The following LRMDA variants were observed in gnomAD, a reference collection of about 807,000 sequenced individuals.
The protein encoded by LRMDA is leucine rich melanocyte differentiation associated.
A neutral mutation model predicts 29.8 loss-of-function variants in LRMDA; 18 were observed. That is an observed-to-expected ratio of 0.60 (90% CI 0.42 to 0.90). The LOEUF is 0.90. Among genes scored for constraint, LRMDA ranks in the 40% least tolerant of loss-of-function variants. The pLI, the probability that LRMDA is intolerant of heterozygous loss-of-function variation, is 0.00. For missense variants in LRMDA, 273 were observed against 273.9 expected (o/e 1.00, Z 0.02); for synonymous variants, 125 against 109.4 (o/e 1.14, Z -0.89).
intron 6 of LRMDA, among the ~76,000 whole-genome samples, chr10:76,372,150 T>C (rs960883996): frequency 2.0e-5 from 3 of 152,200 alleles, no homozygotes; most frequent in African/African-American, 7.2e-5. Flanking sequence ...CTTAGACTTA[T>C]GTAAGATGGG....
intron 6 of LRMDA, among the ~76,000 whole-genome samples, chr10:76,508,747 G>A (rs1023838177): frequency 3.3e-5 from 5 of 152,066 alleles, no homozygotes; most frequent in Admixed American, 3.3e-4. Flanking sequence ...TCATGATCTG[G>A]ACCGTGTTCT....
intron 2 of LRMDA, among the ~76,000 whole-genome samples, chr10:75,656,127 T>C (rs1341055316): frequency 6.6e-6 from 1 of 152,266 alleles, no homozygotes; most frequent in Non-Finnish European, 1.5e-5. Context: ...CTCATTCCCA[T>C]AGTAGTTTTT....
At chr10:76,316,044 G>T (rs1214296892) in intron 5 of LRMDA, among the ~76,000 whole-genome samples, 1 of 152,094 alleles carries the variant, frequency 6.6e-6, no homozygotes, top group East Asian at 1.9e-4. Flanking sequence ...CTGGATGCAG[G>T]ACAGGAACTC....
intron 5 of LRMDA, among the ~76,000 whole-genome samples, chr10:76,223,931 C>T (rs1851899073): frequency 6.6e-6 from 1 of 152,126 alleles, no homozygotes; most frequent in Non-Finnish European, 1.5e-5. Flanking sequence ...TTGGCCTCAG[C>T]CTTCTGTTCT....
intron 2 of LRMDA, among the ~76,000 whole-genome samples, chr10:75,940,294 G>A (rs1469035977): frequency 6.6e-6 from 1 of 152,068 alleles, no homozygotes; most frequent in East Asian, 1.9e-4. Context: ...TAACCAGGTG[G>A]ACTGAAAGGC....
rs75237086 is a variant in LRMDA at position 76,376,865 on chromosome 10, C to T, written c.601+52380C>T. ...AAATGTTTGTTGGGCACTTGGAAGT[C>T]TTTTTTTTTTTTTTTTTTTTTTTTT... On this transcript the variant is annotated intron_variant, in intron 6 of 6. Coordinates refer to ENST00000611255, the MANE Select transcript of LRMDA (RefSeq NM_001305581.2). 4.9e-4 allele frequency among the ~76,000 whole-genome samples: 23 copies of T among 47,256 alleles called. 3 individuals carry two copies. Among genetic ancestry groups the T allele is most frequent in the Admixed American group, 8.3e-4 (3 of 3,632 alleles). The allele number at this position is 47,256 out of a possible 152,430, so 31.0% of individuals were successfully genotyped here.
At chr10:75,983,909 C>T (rs1407635827) in intron 2 of LRMDA, among the ~76,000 whole-genome samples, 1 of 152,182 alleles carries the variant, frequency 6.6e-6, no homozygotes, top group African/African-American at 2.4e-5. Flanking sequence ...CCTGCCTTGG[C>T]CTCCCAAAGT....
intron 2 of LRMDA, among the ~76,000 whole-genome samples, chr10:75,946,497 G>A (rs1034203506): frequency 3.3e-5 from 5 of 152,214 alleles, no homozygotes; most frequent in Non-Finnish European, 1.5e-5. Context: ...TAAATCCTGA[G>A]AAGAATAATG....
chr10:75,693,856 C>G (rs1842200374), intron 2 of LRMDA, among the ~76,000 whole-genome samples: 1 of 152,006 alleles, frequency 6.6e-6, no homozygotes. Flanking sequence ...ATTTCAGGCC[C>G]CATATTTCTT....
intron 2 of LRMDA, among the ~76,000 whole-genome samples, chr10:75,662,422 T>C (rs1180465403): frequency 6.6e-6 from 1 of 152,148 alleles, no homozygotes; most frequent in Non-Finnish European, 1.5e-5. Context: ...TCCACTGCCT[T>C]CCATTTCATC....
intron 5 of LRMDA, among the ~76,000 whole-genome samples, chr10:76,148,820 G>A (rs1330638263): frequency 2.6e-5 from 4 of 151,940 alleles, no homozygotes; most frequent in Admixed American, 6.6e-5. Flanking sequence ...GTTCCTTTTC[G>A]GCCATCTTGG....
chr10:76,261,079 T>TTTTTTTTTTTTTG, intron 5 of LRMDA, among the ~76,000 whole-genome samples: 1 of 148,834 alleles, frequency 6.7e-6, no homozygotes, highest in East Asian at 2.0e-4. Flanking sequence ...TTTTTTTTTT[T>TTTTTTTTTTTTTG]TTTGAGACGG....
At chr10:76,048,218 A>G (rs1004109609) in intron 4 of LRMDA, among the ~76,000 whole-genome samples, 7 of 152,106 alleles carry the variant, frequency 4.6e-5, no homozygotes, top group African/African-American at 7.2e-5. Context: ...GTCTGTGTCT[A>G]TATGTATATG....
intron 2 of LRMDA, among the ~76,000 whole-genome samples, chr10:75,611,996 G>C (rs1176768944): frequency 6.6e-6 from 1 of 152,132 alleles, no homozygotes. Context: ...GTTCAGTTTT[G>C]TTGATTTGCC....
chr10:75,649,777 A>G (rs1326669273), intron 2 of LRMDA, among the ~76,000 whole-genome samples: 3 of 151,522 alleles, frequency 2.0e-5, no homozygotes, highest in African/African-American at 4.9e-5. Flanking sequence ...ATCCTTGCCA[A>G]CTCTTCTTTT....
chr10:75,701,588 T>C (rs1842308883), intron 2 of LRMDA, among the ~76,000 whole-genome samples: 1 of 152,188 alleles, frequency 6.6e-6, no homozygotes, highest in Non-Finnish European at 1.5e-5. Context: ...AGTGGGTCGG[T>C]GGGTGCTGAA....
At chr10:75,486,552 T>C (rs1307295158) in intron 2 of LRMDA, among the ~76,000 whole-genome samples, 1 of 151,594 alleles carries the variant, frequency 6.6e-6, no homozygotes, top group East Asian at 1.9e-4. Flanking sequence ...CATTTTGAGG[T>C]GGGATGAGGA....
chr10:75,923,142 A>AT (rs1846054597), intron 2 of LRMDA, among the ~76,000 whole-genome samples: 1 of 152,136 alleles, frequency 6.6e-6, no homozygotes, highest in South Asian at 2.1e-4. Flanking sequence ...TTAGTACCTC[A>AT]TTACATCTTC....
intron 5 of LRMDA, among the ~76,000 whole-genome samples, chr10:76,135,463 G>A (rs1850076894): frequency 6.6e-6 from 1 of 152,126 alleles, no homozygotes; most frequent in African/African-American, 2.4e-5. Context: ...CACCTATTTG[G>A]TATTCATTTT....
Sources: allele counts gnomAD v4.1 joint callset (sites outside exome capture counted in the v4.1 genomes callset), GRCh38; gene constraint gnomAD v4.1.1; transcripts MANE v1.5; gene names NCBI Gene and HGNC (gene_info 2026-07-23, HGNC 2026-07-21).